Variants in GPAT4 observed in about 807,000 individuals in gnomAD.
The protein encoded by GPAT4 is glycerol-3-phosphate acyltransferase 4.
In GPAT4, 17 loss-of-function variants were observed where a neutral mutation model predicts 58.0. That is an observed-to-expected ratio of 0.29 (90% confidence interval 0.20 to 0.44). The LOEUF (loss-of-function observed/expected upper bound fraction) is 0.44, where lower values mean the gene tolerates loss of function less well. Ranked by LOEUF, GPAT4 falls within the 20% of genes least tolerant of loss-of-function variation. The probability of loss-of-function intolerance (pLI) is 1.00; values close to 1 mark genes in which losing one functional copy is unlikely to be tolerated. For synonymous variants in GPAT4, 204 were observed against 210.1 expected (o/e 0.97, Z 0.25); for missense variants, 377 against 574.5 (o/e 0.66, Z 3.51).
Position 41,600,036 on chromosome 8 carries a change from C to CTTT in GPAT4, c.165+748_165+750dup, listed in dbSNP as rs758905649. 1.2e-3 allele frequency among the ~76,000 whole-genome samples: 122 copies of CTTT among 100,288 alleles called. 6 individuals are homozygous for CTTT. The highest frequency in any genetic ancestry group is 4.4e-3 in the African/African-American group (110 of 24,934). The allele number at this position is 100,288 out of a possible 152,430, so 65.8% of individuals were successfully genotyped here. On this transcript the variant is annotated intron_variant, in intron 2 of 12. Coordinates refer to ENST00000396987, the MANE Select transcript of GPAT4 (RefSeq NM_178819.4). ...TGTTCATATTTTATCTTTTTCTTTT[C>CTTT]TTTTTTTTTTTTTTTTTTCGAGACA...
intron 1 of GPAT4, among the ~76,000 whole-genome samples, chr8:41,595,732 C>A (rs1802913097): frequency 6.6e-6 from 1 of 151,988 alleles, no homozygotes; most frequent in South Asian, 2.1e-4. Context: ...TTTGACTTTT[C>A]CTTTTGCCTC....
Position 41,622,083 on chromosome 8 carries a change from A to T in GPAT4, c.*1082A>T, listed in dbSNP as rs1174902011. The T allele has an allele frequency of 1.3e-5, 2 of 152,398 alleles. No individual in the cohort carries two copies. The highest frequency in any genetic ancestry group is 2.9e-5 in the Non-Finnish European group (2 of 68,094). The allele number at this position is 152,398 out of a possible 1,614,324, so 9.4% of individuals were successfully genotyped here. ...TCAGAAGGTGAACAGCTCGTCTCAG[A>T]TGCTTGCAGATCTTTGGTTAATTTA... On this transcript the variant is annotated 3_prime_UTR_variant, in exon 13 of 13. Coordinates refer to ENST00000396987, the MANE Select transcript of GPAT4 (RefSeq NM_178819.4).
intron 1 of GPAT4, among the ~76,000 whole-genome samples, chr8:41,595,779 A>T (rs1802914999): frequency 2.1e-5 from 3 of 145,544 alleles, no homozygotes; most frequent in South Asian, 2.2e-4. Flanking sequence ...TCCCTCCTTG[A>T]CTCCGTCTTT....
chr8:41,591,022 G>A (rs183311285), intron 1 of GPAT4, among the ~76,000 whole-genome samples: 104 of 152,170 alleles, frequency 6.8e-4, no homozygotes, highest in Non-Finnish European at 2.5e-4. Flanking sequence ...GGGCGTTGGC[G>A]GACTCACATC....
At chr8:41,601,791 T>A (rs748896946) in intron 2 of GPAT4, among the ~76,000 whole-genome samples, 1 of 152,244 alleles carries the variant, frequency 6.6e-6, no homozygotes, top group African/African-American at 2.4e-5. Flanking sequence ...GTATTGTGAC[T>A]ATTATTTAAA....
At chr8:41,617,262 G>C (rs945364371) in intron 10 of GPAT4, among the ~76,000 whole-genome samples, 2 of 152,118 alleles carry the variant, frequency 1.3e-5, no homozygotes, top group Non-Finnish European at 2.9e-5. Flanking sequence ...TACTCGGGAG[G>C]CTGGGGCAGG....
chr8:41,584,631 C>A (rs556241856), intron 1 of GPAT4: 1 of 152,270 alleles, frequency 6.6e-6, no homozygotes, highest in African/African-American at 2.4e-5. Flanking sequence ...ATTTCAAGAA[C>A]TGGTATTGAA....
chr8:41,580,735 A>T (rs745543751), intron 1 of GPAT4, among the ~76,000 whole-genome samples: 10 of 152,182 alleles, frequency 6.6e-5, no homozygotes, highest in Non-Finnish European at 1.2e-4. Context: ...ATGCATGTCC[A>T]GTTTATGGAA....
At chr8:41,582,062 G>T (rs963906763) in intron 1 of GPAT4, among the ~76,000 whole-genome samples, 2 of 132,762 alleles carry the variant, frequency 1.5e-5, no homozygotes, top group Non-Finnish European at 3.1e-5. Flanking sequence ...AGGCCTGAGT[G>T]CGGTGGCGAG....
At chr8:41,614,213 C>T (rs918147716) in intron 8 of GPAT4, among the ~76,000 whole-genome samples, 173 bp from the exon 9 acceptor site, 6 of 152,190 alleles carry the variant, frequency 3.9e-5, no homozygotes, top group African/African-American at 1.4e-4. Flanking sequence ...TTTCTCTATC[C>T]ATATACATTT....
intron 1 of GPAT4, among the ~76,000 whole-genome samples, chr8:41,594,606 T>C (rs1326228899): frequency 6.7e-6 from 1 of 148,440 alleles, no homozygotes; most frequent in Non-Finnish European, 1.5e-5. Flanking sequence ...AGTGCAGTGG[T>C]CCGATCTCGG....
In GPAT4 at chr8:41,609,680, A is replaced by G. The variant is rs760938765; in HGVS notation, c.261A>G (p.Ser87=). Residue 87 remains serine, a synonymous_variant, in exon 4 of 13, where the codon TCA becomes TCG. Transcript: ENST00000396987. ...TNGIIAKDPT[S]LEEEIKEIRR... Reference sequence around the variant, plus strand: ...GAATCATTGCAAAGGATCCCACTTCACTAGAAGAAGAGATCAAAGAGATTC... The same window carrying G: ...GAATCATTGCAAAGGATCCCACTTCGCTAGAAGAAGAGATCAAAGAGATTC... 1 of 1,613,172 alleles carries G rather than the reference A, an allele frequency of 6.2e-7. No individual in the cohort carries two copies.
chr8:41,596,867 C>G (rs986106237), intron 1 of GPAT4, among the ~76,000 whole-genome samples: 5 of 152,182 alleles, frequency 3.3e-5, no homozygotes, highest in Admixed American at 6.5e-5. Context: ...CTTCAAAAAC[C>G]GAGCTCCCCG....
intron 1 of GPAT4, among the ~76,000 whole-genome samples, chr8:41,597,694 G>C (rs1802969574): frequency 6.6e-6 from 1 of 152,216 alleles, no homozygotes; most frequent in Admixed American, 6.5e-5. Context: ...GGTGAACTAA[G>C]TTGTGGCACA....
intron 1 of GPAT4, chr8:41,585,006 C>T (rs1802614247): frequency 6.6e-6 from 1 of 152,160 alleles, no homozygotes; most frequent in Non-Finnish European, 1.5e-5. Flanking sequence ...TATGTGTGTT[C>T]TGGGTTTTTA....
chr8:41,610,105 C>G, intron 4 of GPAT4, 150 bp downstream of exon 4: 1 of 1,452,652 alleles, frequency 6.9e-7, no homozygotes, highest in Admixed American at 2.8e-5. Flanking sequence ...GAGGGATACA[C>G]TGGTGATTCT....
intron 1 of GPAT4, among the ~76,000 whole-genome samples, chr8:41,579,872 C>G (rs1370839526): frequency 6.6e-6 from 1 of 152,034 alleles, no homozygotes; most frequent in Non-Finnish European, 1.5e-5. Context: ...TGTTTCAGAT[C>G]TGGATGAGAA....
chr8:41,594,185 A>G (rs1455277968), intron 1 of GPAT4, among the ~76,000 whole-genome samples: 2 of 152,222 alleles, frequency 1.3e-5, no homozygotes, highest in East Asian at 3.8e-4. Context: ...TTTTATTTTA[A>G]TGTTCAGTTT....
chr8:41,592,808 C>T (rs536482331), intron 1 of GPAT4, among the ~76,000 whole-genome samples: 1 of 152,204 alleles, frequency 6.6e-6, no homozygotes, highest in African/African-American at 2.4e-5. Flanking sequence ...GGATCCAGTC[C>T]AGCCCCATCG....
Sources: gnomAD v4.1 joint callset for allele counts (sites outside exome capture counted in the v4.1 genomes callset) on GRCh38, gnomAD v4.1.1 for gene constraint, MANE v1.5 for transcripts, NCBI Gene and HGNC (gene_info 2026-07-23, HGNC 2026-07-21) for gene names.